The following PLCB4 variants were observed in gnomAD, a reference collection of about 807,000 sequenced individuals.
PLCB4 encodes phospholipase C beta 4.
Under a neutral mutation model 178.8 loss-of-function variants are expected in PLCB4, and 77 were observed. The ratio of observed to expected loss-of-function variants is 0.43; its 90% CI spans 0.36 to 0.52. The LOEUF is 0.52. PLCB4 is among the 20% of genes least tolerant of loss of function. PLCB4 has a pLI of 0.00. For missense variants in PLCB4, 1,024 were observed against 1,453.4 expected, an observed-to-expected ratio of 0.70 and a Z score of 4.80; for synonymous variants, 496 against 490.8, an observed-to-expected ratio of 1.01 and a Z score of -0.14.
chr20:9,129,205 A>G (rs985600694), intron 2 of PLCB4, among the ~76,000 whole-genome samples: 1 of 152,034 alleles, frequency 6.6e-6, no homozygotes, highest in African/African-American at 2.4e-5. Context: ...AACTGCCTGC[A>G]TCTGTGTCTT....
At chr20:9,325,911 A>G (rs2030455575) in intron 4 of PLCB4, among the ~76,000 whole-genome samples, 1 of 152,070 alleles carries the variant, frequency 6.6e-6, no homozygotes, top group Non-Finnish European at 1.5e-5. Flanking sequence ...TATCCCTCAC[A>G]CTTCTGGAGG....
At chr20:9,256,066 T>G (rs1052641319) in intron 3 of PLCB4, among the ~76,000 whole-genome samples, 11 of 152,206 alleles carry the variant, frequency 7.2e-5, no homozygotes, top group African/African-American at 2.7e-4. Context: ...AAGTCATCTC[T>G]ATTATGGTCA....
chr20:9,325,055 T>A (rs1233299972), intron 4 of PLCB4, among the ~76,000 whole-genome samples: 1 of 152,232 alleles, frequency 6.6e-6, no homozygotes, highest in Non-Finnish European at 1.5e-5. Flanking sequence ...TATGTCACTG[T>A]ATTTTTAATT....
chr20:9,470,880 T>G lies in PLCB4; in HGVS notation c.3351-1910T>G, dbSNP rs996589984. Reference sequence around the variant, plus strand: ...TCCAGTGGTATGTGGTTCCAAAATATCTACAAATTGGCTGTTTTTTAAAAA... The same window carrying G: ...TCCAGTGGTATGTGGTTCCAAAATAGCTACAAATTGGCTGTTTTTTAAAAA... On this transcript the variant is annotated intron_variant, in intron 36 of 39. Transcript: ENST00000378473. Among the ~76,000 whole-genome samples, 6 of 152,214 alleles carry G rather than the reference T, an allele frequency of 3.9e-5. No homozygotes were observed. In the South Asian group the frequency reaches 6.2e-4, roughly 16 times the overall value.
intron 3 of PLCB4, among the ~76,000 whole-genome samples, chr20:9,282,156 T>C (rs1323956952): frequency 6.6e-6 from 1 of 151,998 alleles, no homozygotes; most frequent in Non-Finnish European, 1.5e-5. Context: ...CACAACTTTG[T>C]TATCACAGGG....
At chr20:9,090,223 T>TTGTGTGTGTG (rs1205735706) in intron 1 of PLCB4, among the ~76,000 whole-genome samples, 1 of 45,786 alleles carries the variant, frequency 2.2e-5, no homozygotes, top group Non-Finnish European at 4.7e-5. Flanking sequence ...AGAATACTAT[T>TTGTGTGTGTG]TATGTGTGTG....
chr20:9,154,679 G>A (rs1247693501), intron 2 of PLCB4, among the ~76,000 whole-genome samples: 1 of 151,964 alleles, frequency 6.6e-6, no homozygotes, highest in Non-Finnish European at 1.5e-5. Context: ...GCAGAGTCTA[G>A]GAGCTACAAC....
At chr20:9,345,017 T>C (rs1568623103) in intron 7 of PLCB4, among the ~76,000 whole-genome samples, 2 of 150,840 alleles carry the variant, frequency 1.3e-5, no homozygotes, top group Admixed American at 1.3e-4. Context: ...TGCAGCCTAC[T>C]AAAAAAAAAC....
At chr20:9,113,919 A>G (rs2091682874) in intron 2 of PLCB4, among the ~76,000 whole-genome samples, 2 of 152,136 alleles carry the variant, frequency 1.3e-5, no homozygotes, top group African/African-American at 4.8e-5. Context: ...TTTTTGCTCA[A>G]GTTGTGATGT....
intron 30 of PLCB4, 109 bp downstream of exon 30, chr20:9,437,261 G>A (rs1165222092): frequency 2.0e-6 from 2 of 1,016,680 alleles, no homozygotes; most frequent in Non-Finnish European, 2.8e-6. Flanking sequence ...TTGTGGGAAA[G>A]AACCTTTTAC....
intron 2 of PLCB4, among the ~76,000 whole-genome samples, chr20:9,139,925 G>A (rs556383452): frequency 6.6e-6 from 1 of 152,152 alleles, no homozygotes; most frequent in African/African-American, 2.4e-5. Context: ...CTTTGAAGGG[G>A]CTGAGGTGGG....
intron 15 of PLCB4, among the ~76,000 whole-genome samples, chr20:9,388,383 C>G (rs2148399737): frequency 6.6e-6 from 1 of 152,186 alleles, no homozygotes; most frequent in Non-Finnish European, 1.5e-5. Flanking sequence ...CAGCGGTTCT[C>G]AACTCCACCT....
chr20:9,346,054 T>G (rs942302564), intron 7 of PLCB4, among the ~76,000 whole-genome samples: 9 of 152,210 alleles, frequency 5.9e-5, no homozygotes, highest in African/African-American at 2.2e-4. Context: ...GTTCCTCTAC[T>G]GATATTTAAC....
intron 2 of PLCB4, among the ~76,000 whole-genome samples, chr20:9,125,829 G>A (rs1375257480): frequency 6.6e-6 from 1 of 152,076 alleles, no homozygotes; most frequent in African/African-American, 2.4e-5. Flanking sequence ...TTTGTTGCTT[G>A]TCTACTATGT....
chr20:9,263,124 A>C (rs2094314702), intron 3 of PLCB4, among the ~76,000 whole-genome samples: 1 of 152,104 alleles, frequency 6.6e-6, no homozygotes, highest in South Asian at 2.1e-4. Context: ...TCAAGAGAGG[A>C]AGAAGCTGAT....
At chr20:9,126,865 A>C (rs2092128931) in intron 2 of PLCB4, among the ~76,000 whole-genome samples, 1 of 149,184 alleles carries the variant, frequency 6.7e-6, no homozygotes, top group African/African-American at 2.5e-5. Context: ...AAACCATTTT[A>C]GCTTGCCTTA....
At chr20:9,215,695 T>G (rs1222164903) in intron 2 of PLCB4, among the ~76,000 whole-genome samples, 2 of 152,194 alleles carry the variant, frequency 1.3e-5, no homozygotes, top group East Asian at 3.8e-4. Flanking sequence ...AATGTTAGGT[T>G]AAAATCAAAG....
At chr20:9,153,796 G>C (rs898095376) in intron 2 of PLCB4, among the ~76,000 whole-genome samples, 2 of 152,044 alleles carry the variant, frequency 1.3e-5, no homozygotes, top group African/African-American at 4.8e-5. Context: ...CCTAGTATTT[G>C]GCTCTCCATT....
chr20:9,221,073 ATC>A (rs1415920186), intron 3 of PLCB4, among the ~76,000 whole-genome samples: 4 of 152,114 alleles, frequency 2.6e-5, no homozygotes, highest in Non-Finnish European at 5.9e-5. Context: ...CAAGTGGTTT[ATC>A]AAGGCAGGGC....
Sources: gnomAD v4.1 joint callset for allele counts (sites outside exome capture counted in the v4.1 genomes callset) on GRCh38, gnomAD v4.1.1 for gene constraint, MANE v1.5 for transcripts, NCBI Gene and HGNC (gene_info 2026-07-23, HGNC 2026-07-21) for gene names.